Variants in HNRNPA1L2 observed in about 807,000 individuals in gnomAD.
The protein encoded by HNRNPA1L2 is heterogeneous nuclear ribonucleoprotein A1-like 2.
Under a neutral mutation model 18.2 loss-of-function variants are expected in HNRNPA1L2, and 10 were observed. The observed-to-expected ratio is 0.55, with a 90% confidence interval of 0.34 to 0.93. The LOEUF (loss-of-function observed/expected upper bound fraction) is 0.93. Ranked by LOEUF, HNRNPA1L2 falls within the 40% of genes least tolerant of loss-of-function variation. The pLI is 0.02. For missense variants in HNRNPA1L2, 308 were observed against 394.4 expected, an observed-to-expected ratio of 0.78 and a Z score of 1.85; for synonymous variants, 124 against 138.6, an observed-to-expected ratio of 0.89 and a Z score of 0.74.
At chr13:52,622,232 T>G in the HNRNPA1L2 span, 1 of 154,838 alleles carries the variant, frequency 6.5e-6, no homozygotes, top group Non-Finnish European at 1.5e-5. Context: ...CTGGCGGGCC[T>G]CAAAGAGCTT....
Position 52,642,625 on chromosome 13 carries a change from G to C in HNRNPA1L2, c.133G>C (p.Val45Leu), listed in dbSNP as rs143517457. 965 of 1,611,874 alleles carry C rather than the reference G, an allele frequency of 6.0e-4. 8 individuals carry two copies. In the African/African-American group the frequency reaches 0.011, roughly 18 times the overall value. Residue 45 changes from valine (V) to leucine (L), a missense_variant, in exon 1 of 1, where the codon GTA (valine) becomes CTA (leucine). By Grantham distance (32) the Val-to-Leu change is conservative (BLOSUM62 1). Coordinates refer to ENST00000357495, the MANE Select transcript of HNRNPA1L2 (RefSeq NM_001389320.1). ...ATGGGGAACGCTCACAGACTGTGTGGTAATGAGAGATCCAAACACCAAGCG... is the reference window on the plus strand; with the variant it reads ...ATGGGGAACGCTCACAGACTGTGTGCTAATGAGAGATCCAAACACCAAGCG... ...EQWGTLTDCV[V>L]MRDPNTKRSR...
the HNRNPA1L2 span, among the ~76,000 whole-genome samples, chr13:52,626,305 A>C: frequency 2.8e-3 from 420 of 152,118 alleles, 3 homozygotes; most frequent in African/African-American, 9.6e-3. Context: ...AAAATGTCGC[A>C]AATAGCCAGG....
At position 52,643,007 on chromosome 13, in the gene HNRNPA1L2, G is replaced by A; in HGVS notation, c.515G>A (p.Gly172Asp). Residue 172 changes from glycine (G) to aspartate (D), a missense_variant, in exon 1 of 1, where the codon GGC (glycine) becomes GAC (aspartate). By Grantham distance (94) the Gly-to-Asp change is moderately conservative. Coordinates refer to ENST00000357495, the MANE Select transcript of HNRNPA1L2 (RefSeq NM_001389320.1). ...IVIQKYHTVK[G>D]HNCEVRKALP... ...ATTCAGAAATACCATACTGTGAAGG[G>A]CCACAACTGTGAAGTTAGAAAAGCC... 6.3e-7 allele frequency: 1 copy of A among 1,597,544 alleles called. No homozygotes were observed. Among genetic ancestry groups the A allele is most frequent in the Non-Finnish European group, 8.5e-7 (1 of 1,179,800 alleles).
At chr13:52,624,305 G>A in the HNRNPA1L2 span, among the ~76,000 whole-genome samples, 2 of 152,142 alleles carry the variant, frequency 1.3e-5, no homozygotes, top group South Asian at 4.2e-4. Flanking sequence ...GTAGAGATGG[G>A]GTTTCACCAT....
chr13:52,632,295 A>G, the HNRNPA1L2 span: 3 of 152,226 alleles, frequency 2.0e-5, no homozygotes, highest in African/African-American at 4.8e-5. Flanking sequence ...AAATGTGGCA[A>G]TTTAGCTAAG....
At chr13:52,634,103 T>C in the HNRNPA1L2 span, among the ~76,000 whole-genome samples, 1 of 152,184 alleles carries the variant, frequency 6.6e-6, no homozygotes, top group African/African-American at 2.4e-5. Flanking sequence ...CATTTGTTCA[T>C]TAGAACTGAA....
the HNRNPA1L2 span, among the ~76,000 whole-genome samples, chr13:52,618,130 T>C: frequency 6.6e-6 from 1 of 152,072 alleles, no homozygotes; most frequent in Non-Finnish European, 1.5e-5. Flanking sequence ...TTCCAGCAAG[T>C]AGACAATTTA....
chr13:52,626,643 G>T, the HNRNPA1L2 span, among the ~76,000 whole-genome samples: 36 of 151,502 alleles, frequency 2.4e-4, no homozygotes, highest in African/African-American at 8.2e-4. Flanking sequence ...TACTATTCTT[G>T]TATTATATAT....
At chr13:52,638,606 C>A (rs1225863263), upstream of HNRNPA1L2, among the ~76,000 whole-genome samples, 1 of 152,136 alleles carries the variant, frequency 6.6e-6, no homozygotes, top group Non-Finnish European at 1.5e-5. Context: ...TCTATAAATA[C>A]AGATAACAAA....
the HNRNPA1L2 span, among the ~76,000 whole-genome samples, chr13:52,633,517 G>A: frequency 7.2e-4 from 109 of 152,260 alleles, no homozygotes; most frequent in African/African-American, 2.6e-3. Flanking sequence ...CATTTCTGAC[G>A]AATAGAAGTT....
the HNRNPA1L2 span, among the ~76,000 whole-genome samples, chr13:52,627,161 A>G: frequency 6.6e-6 from 1 of 152,224 alleles, no homozygotes; most frequent in Non-Finnish European, 1.5e-5. Context: ...GAAATACAAT[A>G]GCATCTAATT....
the HNRNPA1L2 span, among the ~76,000 whole-genome samples, chr13:52,630,042 C>T: frequency 2.0e-5 from 3 of 152,080 alleles, no homozygotes; most frequent in Non-Finnish European, 4.4e-5. Flanking sequence ...GAGCCAAGAT[C>T]GTGCCACTGT....
At chr13:52,632,711 T>G in the HNRNPA1L2 span, among the ~76,000 whole-genome samples, 1 of 152,228 alleles carries the variant, frequency 6.6e-6, no homozygotes, top group Non-Finnish European at 1.5e-5. Context: ...AAGACCAGCT[T>G]GATGAATAGA....
chr13:52,634,857 T>G, the HNRNPA1L2 span, among the ~76,000 whole-genome samples: 1 of 152,186 alleles, frequency 6.6e-6, no homozygotes. Context: ...AAATGAGGGT[T>G]AGTATGTACA....
chr13:52,633,724 G>GA, the HNRNPA1L2 span, among the ~76,000 whole-genome samples: 13 of 152,046 alleles, frequency 8.6e-5, no homozygotes, highest in Non-Finnish European at 2.9e-5. Context: ...GAGGTGGGAG[G>GA]ATCACTGGAG....
the HNRNPA1L2 span, among the ~76,000 whole-genome samples, chr13:52,628,642 T>C: frequency 6.6e-6 from 1 of 151,304 alleles, no homozygotes; most frequent in Non-Finnish European, 1.5e-5. Context: ...GAATAATTTT[T>C]CATGTGACAC....
chr13:52,628,422 G>A, the HNRNPA1L2 span, among the ~76,000 whole-genome samples: 3 of 151,934 alleles, frequency 2.0e-5, no homozygotes, highest in Non-Finnish European at 2.9e-5. Flanking sequence ...CAGTCTGGGC[G>A]ACAGCGAGAG....
upstream of HNRNPA1L2, among the ~76,000 whole-genome samples, chr13:52,639,824 C>A (rs552676175): frequency 2.0e-5 from 3 of 150,388 alleles, no homozygotes; most frequent in African/African-American, 7.3e-5. Flanking sequence ...ATTCAAATTT[C>A]TCCATCAAAC....
At position 52,642,801 on chromosome 13, in the gene HNRNPA1L2, T is replaced by G; in HGVS notation, c.309T>G (p.Thr103=). Residue 103 remains threonine, a synonymous_variant, in exon 1 of 1, where the codon ACT becomes ACG. Coordinates refer to ENST00000357495, the MANE Select transcript of HNRNPA1L2 (RefSeq NM_001389320.1). ...CTCAAAGACCAGGTGCCCACTTAACTGTGAAAAAGATATTTGTTGGTGGCA... is the reference window on the plus strand; with the variant it reads ...CTCAAAGACCAGGTGCCCACTTAACGGTGAAAAAGATATTTGTTGGTGGCA... The part of the protein sequence containing the change: ...EDSQRPGAHL[T]VKKIFVGGIK... 1 of 1,596,544 alleles carries G rather than the reference T, an allele frequency of 6.3e-7. No individual in the cohort carries two copies. The highest frequency in any genetic ancestry group is 8.5e-7 in the Non-Finnish European group (1 of 1,179,310).
Sources: allele counts gnomAD v4.1 joint callset (sites outside exome capture counted in the v4.1 genomes callset), GRCh38; gene constraint gnomAD v4.1.1; transcripts MANE v1.5; gene names NCBI Gene and HGNC (gene_info 2026-07-23, HGNC 2026-07-21).